SPAST: variants seen among roughly 807,000 people sequenced by gnomAD.
SPAST encodes the protein spastin.
Under a neutral mutation model 76.6 loss-of-function variants are expected in SPAST, and 30 were observed. That is an observed-to-expected ratio of 0.39 (90% confidence interval 0.29 to 0.53). The LOEUF is 0.53. SPAST is among the 20% of genes least tolerant of loss of function. SPAST has a pLI of 0.68. For synonymous variants in SPAST, 305 were observed against 281.0 expected (o/e 1.09, Z -0.86); for missense variants, 717 against 770.5 (o/e 0.93, Z 0.82).
intron 4 of SPAST, among the ~76,000 whole-genome samples, chr2:32,100,497 C>T (rs1678080091): frequency 6.6e-6 from 1 of 151,918 alleles, no homozygotes; most frequent in Non-Finnish European, 1.5e-5. Context: ...TTCTAGGGTG[C>T]ATGTGCACAA....
Position 32,147,997 on chromosome 2 carries a change from A to G in SPAST, c.1728+739A>G, listed in dbSNP as rs561947641. On this transcript the variant is annotated intron_variant, in intron 16 of 16. Coordinates refer to ENST00000315285, the MANE Select transcript of SPAST (RefSeq NM_014946.4). ...TCTCAGGCTGGAGTGCAGTGGTGCA[A>G]TCGTGGCTGACTGTAGCCTTGACCT... is the stretch of plus-strand genomic sequence containing the variant. Among the ~76,000 whole-genome samples the G allele has an allele frequency of 2.2e-4, 32 of 147,612 alleles. 1 individual carries two copies. Among genetic ancestry groups the G allele is most frequent in the African/African-American group, 6.5e-4 (26 of 39,952 alleles).
At position 32,089,719 on chromosome 2, in the gene SPAST, A is replaced by G. The variant is rs577431124; in HGVS notation, c.586+114A>G. The G allele has an allele frequency of 3.8e-5, 27 of 702,648 alleles. No individual in the cohort carries two copies. The East Asian group carries it at 5.2e-4, about 14-fold the overall frequency. The allele number at this position is 702,648 out of a possible 1,614,324, so 43.5% of individuals were successfully genotyped here. On this transcript the variant is annotated intron_variant, in intron 3 of 16. Coordinates refer to ENST00000315285, the MANE Select transcript of SPAST (RefSeq NM_014946.4). ...TTGAAAATGTGGTCCAGGCTTTTTA[A>G]CATAAAGAAAACGTATAACATATAC...
rs1421791559 is a variant in SPAST at position 32,114,825 on chromosome 2, G to C, written c.870G>C (p.Lys290Asn). Reference sequence around the variant, plus strand: ...CTGGTCCTGCTCCTACCACTCATAAGGTATTCTGGGACAGTAACTTTAATT... The same window carrying C: ...CTGGTCCTGCTCCTACCACTCATAACGTATTCTGGGACAGTAACTTTAATT... ...QGSGPAPTTH[K>N]GTPKTNRTNK... The change falls in exon 5 of 17, where the codon AAG (lysine) becomes AAC (asparagine). Residue 290 changes from lysine to asparagine, a missense_variant and splice_region_variant. Lys to Asn is a moderately conservative substitution (Grantham distance 94). Transcript: ENST00000315285. The C allele has an allele frequency of 6.2e-7, 1 of 1,612,868 alleles. No homozygotes were observed. The highest frequency in any genetic ancestry group is 1.7e-5 in the Admixed American group (1 of 60,014).
rs1678796063 is a variant in SPAST, at chr2:32,115,562, A to G, written c.871-140A>G. On this transcript the variant is annotated intron_variant, in intron 5 of 16. Transcript: ENST00000315285. ...GTGAATACAGTTTTACCTTCAGGTAAATAAATATACAATTTATGGATTTTT... is the reference window on the plus strand; with the variant it reads ...GTGAATACAGTTTTACCTTCAGGTAGATAAATATACAATTTATGGATTTTT... The G allele has an allele frequency of 8.1e-6, 5 of 619,428 alleles. No homozygotes were observed. In the Admixed American group the frequency reaches 1.2e-4, roughly 15 times the overall value. The allele number at this position is 619,428 out of a possible 1,614,324, so 38.4% of individuals were successfully genotyped here. A position where few individuals can be genotyped will look rare whatever the true frequency, so the allele number is the denominator to read the frequency against.
chr2:32,126,816 T>C, intron 7 of SPAST, 132 bp from the exon 8 acceptor site: 4 of 651,236 alleles, frequency 6.1e-6, no homozygotes, highest in Non-Finnish European at 1.1e-5. Flanking sequence ...TTTATGATTA[T>C]GTGTTTCCTT....
intron 3 of SPAST, among the ~76,000 whole-genome samples, chr2:32,093,288 G>A (rs796563396): frequency 3.7e-5 from 5 of 135,286 alleles, no homozygotes; most frequent in African/African-American, 1.4e-4. Flanking sequence ...TCCAGCCTGG[G>A]TGACAGAGCG....
At position 32,063,800 on chromosome 2, in the gene SPAST, G is replaced by C; in HGVS notation, c.-32G>C. The stretch of plus-strand genomic sequence containing the variant: ...GGTTCCCGTCGGTCTGCGGGAGGCG[G>C]GTTATGGCGGCGGCGGCAGTGAGAG... On this transcript the variant is annotated 5_prime_UTR_variant, in exon 1 of 17. Coordinates refer to ENST00000315285, the MANE Select transcript of SPAST (RefSeq NM_014946.4). 1 of 1,549,984 alleles carries C rather than the reference G, an allele frequency of 6.5e-7. No homozygotes were observed. Among genetic ancestry groups the C allele is most frequent in the Non-Finnish European group, 8.6e-7 (1 of 1,156,086 alleles).
At chr2:32,106,157 A>T (rs1678311492) in intron 4 of SPAST, among the ~76,000 whole-genome samples, 2 of 152,194 alleles carry the variant, frequency 1.3e-5, no homozygotes, top group Non-Finnish European at 2.9e-5. Flanking sequence ...AGCCTCAGCA[A>T]TGGCAGATGC....
chr2:32,124,997 A>G (rs1041363477), intron 7 of SPAST, among the ~76,000 whole-genome samples: 2 of 152,178 alleles, frequency 1.3e-5, no homozygotes, highest in African/African-American at 4.8e-5. Context: ...CCCACAGAAT[A>G]TAAAACATAA....
chr2:32,117,889 G>C (rs1340050292), intron 7 of SPAST, among the ~76,000 whole-genome samples: 1 of 152,114 alleles, frequency 6.6e-6, no homozygotes, highest in Non-Finnish European at 1.5e-5. Context: ...AAAGTAGATA[G>C]AGCCATTAAA....
At chr2:32,140,850 G>A (rs908269343) in intron 12 of SPAST, among the ~76,000 whole-genome samples, 1 of 151,042 alleles carries the variant, frequency 6.6e-6, no homozygotes, top group Non-Finnish European at 1.5e-5. Flanking sequence ...TTTGCTCTAT[G>A]GCAAAATCTT....
chr2:32,075,536 A>C, intron 1 of SPAST, among the ~76,000 whole-genome samples: 1 of 134,680 alleles, frequency 7.4e-6, no homozygotes. Context: ...ATTTAGTGTC[A>C]TGGCTTTTTT....
intron 15 of SPAST, 170 bp from the exon 16 acceptor site, chr2:32,147,048 C>T: frequency 1.7e-6 from 1 of 576,580 alleles, no homozygotes; most frequent in Non-Finnish European, 3.1e-6. Context: ...ATTCTCTTCT[C>T]AGCATTTATA....
chr2:32,131,671 CTTT>C (rs541036416), intron 9 of SPAST, among the ~76,000 whole-genome samples: 7 of 108,012 alleles, frequency 6.5e-5, no homozygotes, highest in African/African-American at 1.7e-4. Flanking sequence ...CAACCATTCT[CTTT>C]TTTTTTTTTT....
rs1676545655 is a variant in SPAST at position 32,066,995 on chromosome 2, A to AAAAAAAAAAAACC, written c.415+2760_415+2761insCCAAAAAAAAAAA. Reference sequence around the variant, plus strand: ...CTCAAAAAAAAAAAAAAAAAAAACCAAAAAAAAAAAAACTGTTTTAATTGT... The same window carrying AAAAAAAAAAAACC: ...CTCAAAAAAAAAAAAAAAAAAAACCAAAAAAAAAAAACCAAAAAAAAAAAACTGTTTTAATTGT... On this transcript the variant is annotated intron_variant, in intron 1 of 16. Coordinates refer to ENST00000315285, the MANE Select transcript of SPAST (RefSeq NM_014946.4). Among the ~76,000 whole-genome samples, 7 of 47,022 alleles carry AAAAAAAAAAAACC rather than the reference A, an allele frequency of 1.5e-4. No homozygotes were observed. In the South Asian group the frequency reaches 5.8e-3, roughly 39 times the overall value. The allele number at this position is 47,022 out of a possible 152,430, so 30.8% of individuals were successfully genotyped here.
At position 32,128,388 on chromosome 2, in the gene SPAST, T is replaced by C. The variant is rs758590092; in HGVS notation, c.1174-20T>C. The C allele has an allele frequency of 1.3e-6, 2 of 1,540,286 alleles. No individual in the cohort carries two copies. The highest frequency in any genetic ancestry group is 2.2e-5 in the East Asian group (1 of 44,470). ...TAATATATTGAACTAATTTAATATT[T>C]GCTCTTGTGATTTTTAAAGGCTAAA... On this transcript the variant is annotated intron_variant, in intron 8 of 16. Coordinates refer to ENST00000315285, the MANE Select transcript of SPAST (RefSeq NM_014946.4).
At chr2:32,122,821 G>A (rs1679063539) in intron 7 of SPAST, among the ~76,000 whole-genome samples, 2 of 151,920 alleles carry the variant, frequency 1.3e-5, no homozygotes, top group South Asian at 4.2e-4. Context: ...CAGATAACAT[G>A]ATTGCATATG....
chr2:32,068,891 A>G (rs1382524618), intron 1 of SPAST, among the ~76,000 whole-genome samples: 2 of 148,330 alleles, frequency 1.3e-5, no homozygotes, highest in African/African-American at 2.5e-5. Flanking sequence ...GTGAGACTCC[A>G]TCAAAAAAAA....
intron 3 of SPAST, among the ~76,000 whole-genome samples, chr2:32,096,098 T>A (rs1303193625): frequency 6.6e-6 from 1 of 152,230 alleles, no homozygotes; most frequent in Non-Finnish European, 1.5e-5. Flanking sequence ...GATTAATCTG[T>A]ACAATCCTAG....
Sources: gnomAD v4.1 joint callset for allele counts (sites outside exome capture counted in the v4.1 genomes callset) on GRCh38, gnomAD v4.1.1 for gene constraint, MANE v1.5 for transcripts, NCBI Gene and HGNC (gene_info 2026-07-23, HGNC 2026-07-21) for gene names.